MARCHF1: variants seen among roughly 807,000 people sequenced by gnomAD.
The protein encoded by MARCHF1 is membrane associated ring-CH-type finger 1, also known as E3 ubiquitin-protein ligase MARCHF1.
A neutral mutation model predicts 54.2 loss-of-function variants in MARCHF1; 40 were observed. The observed-to-expected ratio is 0.74, with a 90% CI of 0.57 to 0.96. MARCHF1 has a LOEUF of 0.96. MARCHF1 is among the 40% of genes least tolerant of loss of function. MARCHF1 has a pLI of 0.00. For synonymous variants in MARCHF1, 236 were observed against 236.3 expected (o/e 1.00, Z 0.01); for missense variants, 586 against 656.5 (o/e 0.89, Z 1.17).
intron 1 of MARCHF1, among the ~76,000 whole-genome samples, chr4:164,358,960 A>G (rs889592487): frequency 1.3e-5 from 2 of 152,168 alleles, no homozygotes; most frequent in Admixed American, 6.5e-5. Context: ...TTTAAAATAT[A>G]TGGAGGAAAA....
intron 1 of MARCHF1, chr4:164,383,503 G>A (rs1359720757): frequency 1.3e-5 from 2 of 152,342 alleles, no homozygotes; most frequent in Non-Finnish European, 2.9e-5. Flanking sequence ...TCCGTGACTA[G>A]TACCACGCCG....
chr4:163,633,543 A>AG (rs1321753436), intron 5 of MARCHF1, among the ~76,000 whole-genome samples: 1 of 152,166 alleles, frequency 6.6e-6, no homozygotes, highest in Non-Finnish European at 1.5e-5. Flanking sequence ...GGAAGTTTAG[A>AG]GAAAAAAGAA....
In MARCHF1 at chr4:163,796,221, G is replaced by GTTTT. The variant is rs36039503; in HGVS notation, c.111+57796_111+57799dup. Among the ~76,000 whole-genome samples, 151 of 82,220 alleles carry GTTTT rather than the reference G, an allele frequency of 1.8e-3. 4 individuals are homozygous for GTTTT. Among genetic ancestry groups the GTTTT allele is most frequent in the East Asian group, 9.8e-3 (26 of 2,660 alleles). The allele number at this position is 82,220 out of a possible 152,430, so 53.9% of individuals were successfully genotyped here. On this transcript the variant is annotated intron_variant, in intron 4 of 9. Coordinates refer to ENST00000514618, the MANE Select transcript of MARCHF1 (RefSeq NM_001394959.1). ...TACTTCCAGAAAAGTGAAACTTCTA[G>GTTTT]TTTTTTTTTTTTTTTTTTTTTTTGA...
At chr4:164,217,516 T>C (rs1466965712) in intron 1 of MARCHF1, among the ~76,000 whole-genome samples, 1 of 152,298 alleles carries the variant, frequency 6.6e-6, no homozygotes, top group Non-Finnish European at 1.5e-5. Context: ...GGAGGGAAGA[T>C]AATTTTTCCC....
chr4:163,761,729 A>G (rs1324761830), intron 4 of MARCHF1, among the ~76,000 whole-genome samples: 1 of 152,170 alleles, frequency 6.6e-6, no homozygotes, highest in Non-Finnish European at 1.5e-5. Flanking sequence ...GACACACTAC[A>G]AAGCCACCAC....
At chr4:164,171,833 C>G (rs1730533224) in intron 1 of MARCHF1, among the ~76,000 whole-genome samples, 1 of 152,178 alleles carries the variant, frequency 6.6e-6, no homozygotes, top group African/African-American at 2.4e-5. Context: ...ATATTGAAAT[C>G]TAAGGTTAAG....
intron 5 of MARCHF1, among the ~76,000 whole-genome samples, chr4:163,639,669 G>C (rs1452099470): frequency 1.3e-5 from 2 of 152,066 alleles, no homozygotes; most frequent in Non-Finnish European, 2.9e-5. Flanking sequence ...TTCCCTGCTT[G>C]TCTACCAGGT....
At chr4:163,626,271 G>C (rs1741868451) in intron 5 of MARCHF1, among the ~76,000 whole-genome samples, 1 of 152,196 alleles carries the variant, frequency 6.6e-6, no homozygotes, top group Non-Finnish European at 1.5e-5. Flanking sequence ...GTGGCATCTA[G>C]GCCATGATTG....
intron 2 of MARCHF1, among the ~76,000 whole-genome samples, chr4:164,061,921 A>G (rs1754626061): frequency 6.6e-6 from 1 of 152,172 alleles, no homozygotes; most frequent in East Asian, 1.9e-4. Flanking sequence ...ATTTCTTAAA[A>G]TAAGAACAAT....
intron 3 of MARCHF1, among the ~76,000 whole-genome samples, chr4:163,963,381 G>A (rs1752377714): frequency 6.6e-6 from 1 of 151,756 alleles, no homozygotes; most frequent in Admixed American, 6.6e-5. Flanking sequence ...ATAACAAAAT[G>A]ACATAGGAAT....
intron 5 of MARCHF1, among the ~76,000 whole-genome samples, chr4:163,626,049 T>C (rs189629141): frequency 1.3e-5 from 2 of 152,306 alleles, no homozygotes; most frequent in Admixed American, 1.3e-4. Context: ...ATGAGCAGAA[T>C]AATATGTTCT....
At chr4:163,781,338 A>G (rs1011714324) in intron 4 of MARCHF1, among the ~76,000 whole-genome samples, 4 of 152,186 alleles carry the variant, frequency 2.6e-5, no homozygotes, top group Admixed American at 1.3e-4. Flanking sequence ...AAACTCTGTG[A>G]GACTCCATCT....
At chr4:164,056,789 G>A (rs111700207) in intron 2 of MARCHF1, among the ~76,000 whole-genome samples, 3,291 of 152,244 alleles carry the variant, frequency 0.022, 57 homozygotes, top group East Asian at 0.051. Flanking sequence ...GTCTTAGCTA[G>A]TGAAGTCTAT....
At chr4:163,843,423 C>G (rs1374177381) in intron 4 of MARCHF1, among the ~76,000 whole-genome samples, 2 of 151,944 alleles carry the variant, frequency 1.3e-5, no homozygotes, top group African/African-American at 4.8e-5. Flanking sequence ...GTTTTAAGTC[C>G]TTTGAGGAAT....
In MARCHF1 at chr4:163,525,844, C is replaced by T. The variant is rs569574000; in HGVS notation, c.*2904G>A. 37 of 152,072 alleles carry T rather than the reference C, an allele frequency of 2.4e-4. No homozygotes were observed. Among genetic ancestry groups the T allele is most frequent in the African/African-American group, 8.2e-4 (34 of 41,530 alleles). 9.4% of individuals were successfully genotyped at this position (152,072 alleles called of 1,614,324 possible). A position where few individuals can be genotyped will look rare whatever the true frequency, so the allele number is the denominator to read the frequency against. On this transcript the variant is annotated 3_prime_UTR_variant, in exon 10 of 10. Transcript: ENST00000514618. ...AAAAAGCACTGCCACAAAGCTAAAT[C>T]GTTTTATTGTTTGAAAGGGCAAATG...
chr4:164,267,093 A>G (rs1212991326), intron 1 of MARCHF1, among the ~76,000 whole-genome samples: 4 of 152,296 alleles, frequency 2.6e-5, no homozygotes, highest in Middle Eastern at 6.8e-3. Flanking sequence ...GTATGTGATA[A>G]GAGAGCCAGA....
At chr4:163,556,569 CGA>C (rs1163416936) in intron 8 of MARCHF1, among the ~76,000 whole-genome samples, 1 of 150,032 alleles carries the variant, frequency 6.7e-6, no homozygotes, top group Non-Finnish European at 1.5e-5. Flanking sequence ...TTTTTACTCT[CGA>C]GAGTCTCTTA....
At chr4:164,189,174 C>A in intron 1 of MARCHF1, 1 of 567,536 alleles carries the variant, frequency 1.8e-6, no homozygotes, top group South Asian at 1.9e-5. Context: ...TGGAACATTT[C>A]ATCAAGTTGT....
At chr4:163,600,090 C>G (rs1400837842) in intron 7 of MARCHF1, among the ~76,000 whole-genome samples, 1 of 152,152 alleles carries the variant, frequency 6.6e-6, no homozygotes, top group Non-Finnish European at 1.5e-5. Context: ...ATAAGAGATA[C>G]ACTCAAGTAG....
Sources: gnomAD v4.1 joint callset for allele counts (sites outside exome capture counted in the v4.1 genomes callset) on GRCh38, gnomAD v4.1.1 for gene constraint, MANE v1.5 for transcripts, NCBI Gene and HGNC (gene_info 2026-07-23, HGNC 2026-07-21) for gene names.